HOMER2: variants seen among roughly 807,000 people sequenced by gnomAD.
The protein encoded by HOMER2 is homer scaffold protein 2.
In HOMER2, 27 loss-of-function variants were observed where a neutral mutation model predicts 47.0. That is an observed-to-expected ratio of 0.57 (90% CI 0.42 to 0.79). The LOEUF is 0.79. Ranked by LOEUF, HOMER2 falls within the 30% of genes least tolerant of loss-of-function variation. HOMER2 has a pLI of 0.00. For synonymous variants in HOMER2, 161 were observed against 163.8 expected (o/e 0.98, Z 0.13); for missense variants, 443 against 435.0 (o/e 1.02, Z -0.16).
At chr15:82,877,227 T>A (rs1238493796) in intron 2 of HOMER2, among the ~76,000 whole-genome samples, 6 of 152,122 alleles carry the variant, frequency 3.9e-5, no homozygotes, top group Non-Finnish European at 2.9e-5. Context: ...TGGAGTACAA[T>A]GGCATGATCA....
intron 1 of HOMER2, among the ~76,000 whole-genome samples, chr15:82,973,835 G>A (rs2030098325): frequency 1.3e-5 from 2 of 152,198 alleles, no homozygotes; most frequent in Admixed American, 6.5e-5. Context: ...GGAGGCTGAG[G>A]TGGGCGGATC....
intron 2 of HOMER2, among the ~76,000 whole-genome samples, chr15:82,890,752 C>T (rs768272523): frequency 4.6e-5 from 7 of 152,210 alleles, no homozygotes; most frequent in Non-Finnish European, 8.8e-5. Flanking sequence ...GATAACTCAA[C>T]TGACAAAAGT....
At chr15:82,840,915 A>G (rs902775117) in exon 2 of HOMER2, 1 of 152,108 alleles carries the variant, frequency 6.6e-6, no homozygotes, top group African/African-American at 2.4e-5. Flanking sequence ...AAATATTTAA[A>G]TGTTTCCAGG....
chr15:82,980,106 T>TTA (rs2030342063), intron 1 of HOMER2, among the ~76,000 whole-genome samples: 1 of 152,110 alleles, frequency 6.6e-6, no homozygotes, highest in South Asian at 2.1e-4. Context: ...GTATGCATGT[T>TTA]TATATATATA....
At chr15:82,982,334 T>G (rs2030421680) in intron 1 of HOMER2, among the ~76,000 whole-genome samples, 1 of 152,206 alleles carries the variant, frequency 6.6e-6, no homozygotes, top group African/African-American at 2.4e-5. Flanking sequence ...AAATTCCCCT[T>G]CATGAAACAG....
At chr15:82,892,649 A>C (rs374739018) in intron 2 of HOMER2, 36 bp downstream of exon 2, 262 of 1,447,924 alleles carry the variant, frequency 1.8e-4, no homozygotes, top group Non-Finnish European at 2.2e-4. Flanking sequence ...AAAGATAAGC[A>C]ACTGGGAGTA....
chr15:82,892,651 C>T, intron 2 of HOMER2, 34 bp downstream of exon 2: 1 of 1,447,852 alleles, frequency 6.9e-7, no homozygotes, highest in Non-Finnish European at 9.2e-7. Context: ...AGATAAGCAA[C>T]TGGGAGTATT....
At chr15:82,964,006 C>T (rs146461569) in intron 1 of HOMER2, among the ~76,000 whole-genome samples, 3 of 152,340 alleles carry the variant, frequency 2.0e-5, no homozygotes, top group African/African-American at 7.2e-5. Context: ...ACTAAAGAAC[C>T]AGGTATTCTT....
intron 1 of HOMER2, among the ~76,000 whole-genome samples, chr15:82,924,736 G>C (rs1034775133): frequency 3.9e-5 from 6 of 152,128 alleles, no homozygotes; most frequent in African/African-American, 1.4e-4. Context: ...GCATCATGCT[G>C]GGCACTGACA....
chr15:82,895,776 G>A (rs190358039), intron 1 of HOMER2, among the ~76,000 whole-genome samples: 177 of 152,226 alleles, frequency 1.2e-3, no homozygotes, highest in Non-Finnish European at 2.1e-3. Context: ...TTAGACGGGT[G>A]TTCCCTAAAT....
chr15:82,908,770 T>C (rs1204797721), intron 1 of HOMER2, among the ~76,000 whole-genome samples: 2 of 150,388 alleles, frequency 1.3e-5, no homozygotes, highest in Non-Finnish European at 3.0e-5. Flanking sequence ...AGATCAAACA[T>C]GGAGGATGAA....
chr15:82,894,050 C>T (rs2052820010), intron 1 of HOMER2, among the ~76,000 whole-genome samples: 1 of 112,698 alleles, frequency 8.9e-6, no homozygotes, highest in South Asian at 2.9e-4. Flanking sequence ...AACTTATAAA[C>T]CTTTTGAGTT....
upstream of HOMER2, among the ~76,000 whole-genome samples, chr15:82,955,020 C>G (rs527791952): frequency 2.6e-3 from 400 of 152,282 alleles, 2 homozygotes; most frequent in Non-Finnish European, 4.7e-3. Flanking sequence ...TCGTGATCGG[C>G]CCACCTCAGC....
At chr15:82,945,569 T>C (rs2054357628) in intron 1 of HOMER2, among the ~76,000 whole-genome samples, 1 of 152,228 alleles carries the variant, frequency 6.6e-6, no homozygotes, top group Non-Finnish European at 1.5e-5. Flanking sequence ...CAAGTAATTT[T>C]CACTTCCTTC....
intron 1 of HOMER2, among the ~76,000 whole-genome samples, chr15:82,925,455 C>G (rs954109178): frequency 1.3e-5 from 2 of 152,188 alleles, no homozygotes; most frequent in African/African-American, 4.8e-5. Flanking sequence ...TGCCTAGGAC[C>G]ATGTGTGTCA....
chr15:82,928,940 T>A (rs28537437), intron 1 of HOMER2, among the ~76,000 whole-genome samples: 466 of 39,608 alleles, frequency 0.012, 1 homozygote, highest in Middle Eastern at 0.019. Context: ...AAATAAAAAC[T>A]AAAAAAAAAA....
intron 1 of HOMER2, among the ~76,000 whole-genome samples, chr15:82,967,844 T>G (rs1343006768): frequency 6.6e-6 from 1 of 150,982 alleles, no homozygotes; most frequent in Non-Finnish European, 1.5e-5. Flanking sequence ...ACCACTGCAC[T>G]CCAGCCTGGG....
At chr15:82,911,301 A>G (rs1248120878) in intron 1 of HOMER2, among the ~76,000 whole-genome samples, 1 of 152,150 alleles carries the variant, frequency 6.6e-6, no homozygotes, top group Admixed American at 6.5e-5. Flanking sequence ...TTACTTGCAA[A>G]TTAGTTCTAG....
At chr15:82,984,989 T>TA in intron 1 of HOMER2, among the ~76,000 whole-genome samples, 1 of 152,068 alleles carries the variant, frequency 6.6e-6, no homozygotes. Context: ...ATTCCAGAAA[T>TA]ATGATGGACT....
Sources: allele counts gnomAD v4.1 joint callset (sites outside exome capture counted in the v4.1 genomes callset), GRCh38; gene constraint gnomAD v4.1.1; transcripts MANE v1.5; gene names NCBI Gene and HGNC (gene_info 2026-07-23, HGNC 2026-07-21).